The following MCF2L2 variants were observed in gnomAD, a reference collection of about 807,000 sequenced individuals.
MCF2L2 encodes the protein probable guanine nucleotide exchange factor MCF2L2.
MCF2L2 carries 102 observed loss-of-function variants against 150.2 expected under a neutral mutation model. That is an observed-to-expected ratio of 0.68 (90% CI 0.58 to 0.80). The LOEUF is 0.80. Ranked by LOEUF, MCF2L2 falls within the 30% of genes least tolerant of loss-of-function variation. MCF2L2 has a pLI of 0.00. For missense variants in MCF2L2, 1,256 were observed against 1,372.8 expected (o/e 0.91, Z 1.34); for synonymous variants, 465 against 491.3 (o/e 0.95, Z 0.71).
intron 7 of MCF2L2, among the ~76,000 whole-genome samples, chr3:183,316,273 A>T (rs753538155): frequency 8.6e-5 from 13 of 151,992 alleles, no homozygotes; most frequent in Non-Finnish European, 1.5e-4. Flanking sequence ...TCATGATGTC[A>T]TCAGGATTTT....
chr3:183,228,022 T>C (rs200500929), intron 18 of MCF2L2: 1 of 25,574 alleles, frequency 3.9e-5, no homozygotes, highest in Non-Finnish European at 2.4e-4. Flanking sequence ...TATATATATA[T>C]ACATATACAC....
At chr3:183,273,458 A>G (rs530443846) in intron 15 of MCF2L2, 19 of 156,242 alleles carry the variant, frequency 1.2e-4, no homozygotes, top group South Asian at 1.9e-4. Flanking sequence ...AATGTACTAC[A>G]TGGTCTTAGC....
At position 183,428,075 on chromosome 3, in the gene MCF2L2, C is replaced by A; in HGVS notation, c.-98G>T. ...AAAGGCATCTCCGCCCAAGGATGCT[C>A]TGCCCTCGCCCTCTTCCTGGCTCTC... On this transcript the variant is annotated 5_prime_UTR_variant, in exon 1 of 30. Coordinates refer to ENST00000328913, the MANE Select transcript of MCF2L2 (RefSeq NM_015078.4). The surrounding 1 kb of genome is among the most constrained non-coding windows in gnomAD (Gnocchi z 5.1). 1.1e-6 allele frequency: 1 copy of A among 900,798 alleles called. No individual in the cohort carries two copies. Among genetic ancestry groups the A allele is most frequent in the South Asian group, 1.3e-5 (1 of 74,938 alleles). The allele number at this position is 900,798 out of a possible 1,614,324, so 55.8% of individuals were successfully genotyped here. A position where few individuals can be genotyped will look rare whatever the true frequency, so the allele number is the denominator to read the frequency against.
rs1726323586 is a variant in MCF2L2, at chr3:183,267,951, G to C, written c.1862+8921C>G. Reference sequence around the variant, plus strand: ...CTACCAGGGGTCACACACTGAGCTGGATGCTGAGTGTAGGGTGTCCACAAC... The same window carrying C: ...CTACCAGGGGTCACACACTGAGCTGCATGCTGAGTGTAGGGTGTCCACAAC... On this transcript the variant is annotated intron_variant, in intron 15 of 29. Transcript: ENST00000328913. This position sits in a 1 kb window ranked among gnomAD's most constrained non-coding sequence, Gnocchi z 5.5. 6.6e-6 allele frequency among the ~76,000 whole-genome samples: 1 copy of C among 152,208 alleles called. No homozygotes were observed. Among genetic ancestry groups the C allele is most frequent in the East Asian group, 1.9e-4 (1 of 5,194 alleles).
chr3:183,319,765 C>T (rs893404306), intron 6 of MCF2L2, among the ~76,000 whole-genome samples: 6 of 152,320 alleles, frequency 3.9e-5, no homozygotes, highest in East Asian at 1.9e-4. Flanking sequence ...GAGGTCTCAA[C>T]AGGTGGCTTA....
At chr3:183,246,172 G>GT (rs962504364) in intron 15 of MCF2L2, among the ~76,000 whole-genome samples, 2 of 151,962 alleles carry the variant, frequency 1.3e-5, no homozygotes, top group African/African-American at 2.4e-5. Context: ...GTATTATAAA[G>GT]TTTTTTTTAA....
intron 2 of MCF2L2, 98 bp from the exon 3 acceptor site, chr3:183,379,509 T>C (rs906492575): frequency 2.7e-6 from 2 of 751,612 alleles, no homozygotes; most frequent in Middle Eastern, 2.3e-4. Context: ...CCTCTTTTCC[T>C]ACCTATATTA....
intron 3 of MCF2L2, among the ~76,000 whole-genome samples, chr3:183,352,389 G>A (rs968279818): frequency 6.6e-6 from 1 of 152,202 alleles, no homozygotes. Context: ...CGGGCATGGT[G>A]GTGCGTGCCT....
intron 21 of MCF2L2, among the ~76,000 whole-genome samples, 181 bp from the exon 22 acceptor site, chr3:183,216,275 C>T (rs1011536500): frequency 2.6e-5 from 4 of 151,306 alleles, no homozygotes; most frequent in East Asian, 3.9e-4. Context: ...TTTAGGTATA[C>T]GGCATAGAGA....
At chr3:183,212,442 A>G (rs530879182) in intron 22 of MCF2L2, among the ~76,000 whole-genome samples, 33 of 152,352 alleles carry the variant, frequency 2.2e-4, no homozygotes, top group Admixed American at 1.5e-3. Context: ...GCGATAAGTT[A>G]GATGGCCTCC....
In MCF2L2 at chr3:183,289,162, G is replaced by C. The variant is rs767219146; in HGVS notation, c.1734C>G (p.Asn578Lys). Residue 578 changes from asparagine to lysine, a missense_variant, in exon 14 of 30, where the codon AAC (asparagine) becomes AAG (lysine). By Grantham distance (94) the Asn-to-Lys change is moderately conservative. Transcript: ENST00000328913. ...SEEPYTETELNSRGKEDDETK... is the reference protein window; with the variant it reads ...SEEPYTETELKSRGKEDDETK... ...TCTCATCATCTTCCTTTCCCCGGGAGTTCAACTCTGTCTCCGTATAAGGTT... is the reference window on the plus strand; with the variant it reads ...TCTCATCATCTTCCTTTCCCCGGGACTTCAACTCTGTCTCCGTATAAGGTT... 1 of 1,614,020 alleles carries C rather than the reference G, an allele frequency of 6.2e-7. No homozygotes were observed. The highest frequency in any genetic ancestry group is 2.2e-5 in the East Asian group (1 of 44,872).
rs140799993 is a variant in MCF2L2, at chr3:183,255,833, A to G, written c.1862+21039T>C. On this transcript the variant is annotated intron_variant, in intron 15 of 29. Coordinates refer to ENST00000328913, the MANE Select transcript of MCF2L2 (RefSeq NM_015078.4). ...AAAAAAAAAAAAAAAGAAAAAGAAAACTTTCTAATTCTCAAAAATAGAACA... is the reference window on the plus strand; with the variant it reads ...AAAAAAAAAAAAAAAGAAAAAGAAAGCTTTCTAATTCTCAAAAATAGAACA... Among the ~76,000 whole-genome samples the G allele has an allele frequency of 4.6e-5, 7 of 152,168 alleles. No homozygotes were observed. The East Asian group carries it at 1.3e-3, about 29-fold the overall frequency.
At chr3:183,221,060 G>A (rs759740116) in intron 20 of MCF2L2, among the ~76,000 whole-genome samples, 2 of 152,112 alleles carry the variant, frequency 1.3e-5, no homozygotes, top group African/African-American at 4.8e-5. Flanking sequence ...ACATGTGTGC[G>A]AGATGCAAAA....
intron 14 of MCF2L2, among the ~76,000 whole-genome samples, chr3:183,281,893 C>CTT (rs397876715): frequency 1.8e-4 from 22 of 121,450 alleles, no homozygotes; most frequent in African/African-American, 4.5e-4. Flanking sequence ...TTCACAGGGT[C>CTT]TTTTTTTTTT....
chr3:183,313,009 G>C (rs924495165), intron 7 of MCF2L2, among the ~76,000 whole-genome samples: 6 of 152,128 alleles, frequency 3.9e-5, no homozygotes, highest in African/African-American at 1.4e-4. Context: ...ATTCTCATGT[G>C]TCAGCCCTCA....
chr3:183,375,147 T>C (rs1713124099), intron 3 of MCF2L2: 1 of 152,226 alleles, frequency 6.6e-6, no homozygotes, highest in South Asian at 2.1e-4. Flanking sequence ...AATAGAATAA[T>C]AAGTTTTGTC....
chr3:183,299,412 C>T (rs1181804996), intron 11 of MCF2L2: 1 of 152,656 alleles, frequency 6.6e-6, no homozygotes, highest in Admixed American at 6.5e-5. Flanking sequence ...CATATAACAG[C>T]TCACTAGGTG....
At chr3:183,234,211 A>C (rs1289232754) in intron 15 of MCF2L2, among the ~76,000 whole-genome samples, 1 of 133,154 alleles carries the variant, frequency 7.5e-6, no homozygotes, top group African/African-American at 3.0e-5. Flanking sequence ...TCAGCCTCTT[A>C]TGCCTTCATG....
At chr3:183,361,517 C>G (rs1483906626) in intron 3 of MCF2L2, among the ~76,000 whole-genome samples, 1 of 152,120 alleles carries the variant, frequency 6.6e-6, no homozygotes, top group Non-Finnish European at 1.5e-5. Flanking sequence ...TCCCCTATCA[C>G]TCTCTCTCTC....
Sources: gnomAD v4.1 joint callset for allele counts (sites outside exome capture counted in the v4.1 genomes callset) on GRCh38, gnomAD v4.1.1 for gene constraint, Gnocchi (gnomAD v3.1) non-coding constraint, MANE v1.5 for transcripts, NCBI Gene and HGNC (gene_info 2026-07-23, HGNC 2026-07-21) for gene names.